TSPEAR: variants seen among roughly 807,000 people sequenced by gnomAD.
TSPEAR encodes the protein thrombospondin type laminin G domain and EAR repeats.
Under a neutral mutation model 71.6 loss-of-function variants are expected in TSPEAR, and 69 were observed. That is an observed-to-expected ratio of 0.96 (90% CI 0.79 to 1.18). TSPEAR has a LOEUF of 1.18. Ranked by LOEUF, TSPEAR falls within the 50% of genes most tolerant of loss-of-function variation. The pLI, the probability that TSPEAR is intolerant of heterozygous loss-of-function variation, is 0.00. For missense variants in TSPEAR, 971 were observed against 894.9 expected, an observed-to-expected ratio of 1.09 and a Z score of -1.09; for synonymous variants, 402 against 387.2, an observed-to-expected ratio of 1.04 and a Z score of -0.45.
At chr21:44,615,663 A>G (rs1438539131) in intron 1 of TSPEAR, among the ~76,000 whole-genome samples, 5 of 150,902 alleles carry the variant, frequency 3.3e-5, no homozygotes, top group Non-Finnish European at 7.4e-5. Context: ...CCTGGGAGTG[A>G]GGGCTTTCTC....
At chr21:44,654,375 C>T (rs781970841) in intron 1 of TSPEAR, 1 of 1,614,048 alleles carries the variant, frequency 6.2e-7, no homozygotes, top group Non-Finnish European at 8.5e-7. Flanking sequence ...AAGCCACACA[C>T]AAAACAGGCT....
chr21:44,666,281 A>G (rs1188236914), intron 1 of TSPEAR: 6 of 892,268 alleles, frequency 6.7e-6, no homozygotes, highest in African/African-American at 3.4e-5. Flanking sequence ...AAGGTCAGCA[A>G]GGGCTCCAGA....
At chr21:44,632,698 C>T (rs905792987) in intron 1 of TSPEAR, among the ~76,000 whole-genome samples, 2 of 152,080 alleles carry the variant, frequency 1.3e-5, no homozygotes, top group Admixed American at 6.5e-5. Flanking sequence ...AAAAAAATAG[C>T]TGAGTGTGGT....
intron 2 of TSPEAR, among the ~76,000 whole-genome samples, chr21:44,556,974 C>A (rs781932844): frequency 6.6e-6 from 1 of 152,150 alleles, no homozygotes; most frequent in Non-Finnish European, 1.5e-5. Context: ...ACTGCTGTTA[C>A]ACTATGAAAA....
chr21:44,512,915 G>A (rs368059907), intron 9 of TSPEAR, among the ~76,000 whole-genome samples: 5 of 152,268 alleles, frequency 3.3e-5, no homozygotes, highest in Admixed American at 6.5e-5. Context: ...CTGGGGGGCC[G>A]GGGGCGGCTC....
rs142904210 is a variant in TSPEAR, at chr21:44,612,483, G to A, written c.83-44478C>T. On this transcript the variant is annotated intron_variant, in intron 1 of 11. Transcript: ENST00000323084. This position sits in a 1 kb window ranked among gnomAD's most constrained non-coding sequence, Gnocchi z 4.1. ...GTGCCTGTGTGCTGCAAGTCCAACT[G>A]CTGCAAGCCCGTGTGCTGCGTGTCC... 7.1e-5 allele frequency: 115 copies of A among 1,609,938 alleles called. No homozygotes were observed. The African/African-American group carries it at 1.3e-3, about 19-fold the overall frequency.
At chr21:44,658,094 A>G in intron 1 of TSPEAR, 1 of 1,613,468 alleles carries the variant, frequency 6.2e-7, no homozygotes, top group Middle Eastern at 1.7e-4. Context: ...CATGCCCGTG[A>G]GCTGCACGCG....
chr21:44,666,791 T>C (rs782773377), intron 1 of TSPEAR: 2 of 1,611,992 alleles, frequency 1.2e-6, no homozygotes, highest in South Asian at 2.2e-5. Flanking sequence ...CACAGCAGGA[T>C]GCCTGGCAGG....
At chr21:44,579,467 G>A (rs1301975181) in intron 1 of TSPEAR, 5 of 544,242 alleles carry the variant, frequency 9.2e-6, no homozygotes, top group East Asian at 3.0e-5. Context: ...AGGCGACCAA[G>A]GGGAGTTTAT....
intron 9 of TSPEAR, chr21:44,518,453 A>G (rs2052655418): frequency 2.6e-6 from 1 of 383,310 alleles, no homozygotes. Context: ...TAGATCTAGG[A>G]TGATAATCTC....
chr21:44,588,775 G>A (rs1031998395), intron 1 of TSPEAR, among the ~76,000 whole-genome samples: 1 of 111,694 alleles, frequency 9.0e-6, no homozygotes, highest in Admixed American at 1.1e-4. Flanking sequence ...GTATATATAT[G>A]TATGTGTGTG....
At chr21:44,525,055 T>G (rs1318466458) in intron 8 of TSPEAR, among the ~76,000 whole-genome samples, 2 of 151,752 alleles carry the variant, frequency 1.3e-5, no homozygotes, top group African/African-American at 4.8e-5. Flanking sequence ...AGTCAGGTAG[T>G]TAGTCAGATA....
chr21:44,696,332 G>T (rs1444238572), intron 1 of TSPEAR, among the ~76,000 whole-genome samples: 1 of 152,234 alleles, frequency 6.6e-6, no homozygotes, highest in East Asian at 1.9e-4. Context: ...TGAGGCAGCA[G>T]AGGTTAATGG....
At chr21:44,572,337 G>A (rs1012756508) in intron 1 of TSPEAR, among the ~76,000 whole-genome samples, 9 of 152,204 alleles carry the variant, frequency 5.9e-5, no homozygotes, top group Admixed American at 3.3e-4. Flanking sequence ...TCCTGGCTGA[G>A]AAGAAACAGA....
intron 2 of TSPEAR, among the ~76,000 whole-genome samples, chr21:44,540,799 C>A (rs1308284324): frequency 6.6e-6 from 1 of 152,210 alleles, no homozygotes; most frequent in Non-Finnish European, 1.5e-5. Flanking sequence ...CTCCCCACGG[C>A]CTTCCCCGAG....
chr21:44,645,611 C>A (rs1431365034), intron 1 of TSPEAR, among the ~76,000 whole-genome samples: 1 of 152,062 alleles, frequency 6.6e-6, no homozygotes, highest in Non-Finnish European at 1.5e-5. Flanking sequence ...CTCAGCCCCC[C>A]AAAGTACTGG....
At chr21:44,571,260 G>A (rs1232035842) in intron 1 of TSPEAR, among the ~76,000 whole-genome samples, 1 of 152,228 alleles carries the variant, frequency 6.6e-6, no homozygotes, top group Admixed American at 6.5e-5. Flanking sequence ...ATGTTGCCCA[G>A]GCTGATCTCA....
rs201912447 is a variant in TSPEAR, at chr21:44,573,843, G to A, written c.83-5838C>T. On this transcript the variant is annotated intron_variant, in intron 1 of 11. Transcript: ENST00000323084. ...TGACTCTTGCTCCGACTCCTGGCAG[G>A]TGGACGACTGCCCAGAGAGCTGCTG... is the stretch of plus-strand genomic sequence containing the variant. 165 of 1,613,716 alleles carry A rather than the reference G, an allele frequency of 1.0e-4. No individual in the cohort carries two copies. The African/African-American group carries it at 2.0e-3, about 20-fold the overall frequency.
chr21:44,686,917 TTC>T (rs1986887235), intron 1 of TSPEAR, among the ~76,000 whole-genome samples: 1 of 152,182 alleles, frequency 6.6e-6, no homozygotes, highest in South Asian at 2.1e-4. Context: ...CAGCATGGGG[TTC>T]TGTCCTTGGT....
Sources: allele counts gnomAD v4.1 joint callset (sites outside exome capture counted in the v4.1 genomes callset), GRCh38; gene constraint gnomAD v4.1.1; non-coding constraint Gnocchi (gnomAD v3.1); transcripts MANE v1.5; gene names NCBI Gene and HGNC (gene_info 2026-07-23, HGNC 2026-07-21).